DLG2: variants seen among roughly 807,000 people sequenced by gnomAD.
The protein encoded by DLG2 is discs large MAGUK scaffold protein 2, also known as disks large homolog 2.
DLG2 carries 45 observed loss-of-function variants against 132.5 expected under a neutral mutation model. The observed-to-expected ratio is 0.34, with a 90% CI of 0.27 to 0.44. The LOEUF is 0.44. Among genes scored for constraint, DLG2 ranks in the 20% least tolerant of loss-of-function variants. DLG2 has a pLI of 1.00. For missense variants in DLG2, 1,045 were observed against 1,196.9 expected, an observed-to-expected ratio of 0.87 and a Z score of 1.87; for synonymous variants, 424 against 419.6, an observed-to-expected ratio of 1.01 and a Z score of -0.13.
At chr11:83,576,696 A>G (rs1219081020) in intron 19 of DLG2, among the ~76,000 whole-genome samples, 1 of 152,144 alleles carries the variant, frequency 6.6e-6, no homozygotes, top group Non-Finnish European at 1.5e-5. Flanking sequence ...ATCTTTCAAA[A>G]ATAAAGGCAA....
chr11:84,583,883 TTCA>T (rs2099522583), intron 6 of DLG2, among the ~76,000 whole-genome samples: 1 of 152,294 alleles, frequency 6.6e-6, no homozygotes, highest in Non-Finnish European at 1.5e-5. Flanking sequence ...CAAAGATTCA[TTCA>T]TGTTTATTTT....
chr11:84,132,579 G>T (rs2094459818), intron 9 of DLG2, among the ~76,000 whole-genome samples: 3 of 151,948 alleles, frequency 2.0e-5, no homozygotes, highest in African/African-American at 7.2e-5. Flanking sequence ...AATTTATTGA[G>T]AACCTACTAT....
intron 4 of DLG2, among the ~76,000 whole-genome samples, chr11:85,195,523 GTTTT>G (rs34574453): frequency 2.3e-4 from 31 of 133,714 alleles, no homozygotes; most frequent in South Asian, 7.2e-4. Context: ...AAGTGACAGT[GTTTT>G]TTTTTTTTTT....
At position 84,535,954 on chromosome 11, in the gene DLG2, C is replaced by CATATATATATATATAT. The variant is rs778920932; in HGVS notation, c.358-1224_358-1223insATATATATATATATAT. On this transcript the variant is annotated intron_variant, in intron 6 of 27. Transcript: ENST00000376104. ...CATCAATGGTTAATTTTTTCATATA[C>CATATATATATATATAT]ATATATATATAAAACTTCTAGGACA... Among the ~76,000 whole-genome samples the CATATATATATATATAT allele has an allele frequency of 5.5e-4, 80 of 144,458 alleles. 1 individual carries two copies. The highest frequency in any genetic ancestry group is 1.9e-3 in the African/African-American group (73 of 38,198). 94.8% of individuals were successfully genotyped at this position (144,458 alleles called of 152,430 possible). A position where few individuals can be genotyped will look rare whatever the true frequency, so the allele number is the denominator to read the frequency against.
At chr11:83,612,682 C>T (rs1309789676) in intron 19 of DLG2, among the ~76,000 whole-genome samples, 2 of 152,048 alleles carry the variant, frequency 1.3e-5, no homozygotes, top group African/African-American at 4.8e-5. Flanking sequence ...AGGTGAAAGC[C>T]TCTAGGAAGG....
At chr11:84,078,561 T>C (rs2096859302) in intron 10 of DLG2, among the ~76,000 whole-genome samples, 1 of 152,104 alleles carries the variant, frequency 6.6e-6, no homozygotes, top group African/African-American at 2.4e-5. Context: ...AAAATACCAA[T>C]TAAATGGAAA....
intron 7 of DLG2, among the ~76,000 whole-genome samples, chr11:84,514,776 A>G (rs2099267640): frequency 6.6e-6 from 1 of 151,924 alleles, no homozygotes; most frequent in African/African-American, 2.4e-5. Context: ...ACTAGAATTA[A>G]CGATCATTTA....
At chr11:84,153,705 C>T (rs1181559562) in intron 9 of DLG2, among the ~76,000 whole-genome samples, 1 of 152,120 alleles carries the variant, frequency 6.6e-6, no homozygotes, top group African/African-American at 2.4e-5. Flanking sequence ...TAGTTTGGTT[C>T]TCTCTTAAAA....
chr11:85,503,799 G>C (rs143137582), intron 3 of DLG2, among the ~76,000 whole-genome samples: 1 of 151,980 alleles, frequency 6.6e-6, no homozygotes, highest in Admixed American at 6.6e-5. Context: ...GGGCATGGTG[G>C]CACACACCTG....
chr11:85,533,510 T>C (rs1024510408), intron 3 of DLG2, among the ~76,000 whole-genome samples: 1 of 150,794 alleles, frequency 6.6e-6, no homozygotes, highest in Admixed American at 6.6e-5. Context: ...CATTCCAGGG[T>C]GTATACGTAC....
At chr11:85,035,441 G>T (rs2061360938) in intron 6 of DLG2, among the ~76,000 whole-genome samples, 1 of 152,164 alleles carries the variant, frequency 6.6e-6, no homozygotes, top group Non-Finnish European at 1.5e-5. Context: ...ATGGCAGAAG[G>T]TGAAGGGAAA....
chr11:84,852,535 T>A (rs1331066370), intron 6 of DLG2, among the ~76,000 whole-genome samples: 2 of 151,978 alleles, frequency 1.3e-5, no homozygotes, highest in African/African-American at 4.8e-5. Context: ...GTGGTATGCG[T>A]TTGCCATCTT....
intron 6 of DLG2, among the ~76,000 whole-genome samples, chr11:84,788,198 C>T (rs903203442): frequency 2.8e-5 from 4 of 141,898 alleles, no homozygotes; most frequent in Non-Finnish European, 4.6e-5. Flanking sequence ...CAGGTAAAAA[C>T]AAAAATAGTA....
At chr11:84,387,430 A>G (rs1454751883) in intron 7 of DLG2, among the ~76,000 whole-genome samples, 1 of 152,086 alleles carries the variant, frequency 6.6e-6, no homozygotes, top group Non-Finnish European at 1.5e-5. Context: ...GAAATTAGTT[A>G]TACAGAAAAA....
At chr11:84,404,320 C>G (rs559038609) in intron 7 of DLG2, among the ~76,000 whole-genome samples, 1 of 152,226 alleles carries the variant, frequency 6.6e-6, no homozygotes, top group Non-Finnish European at 1.5e-5. Context: ...CCCATCTCCA[C>G]CTTTTCCTAC....
intron 8 of DLG2, among the ~76,000 whole-genome samples, chr11:84,220,199 T>C (rs916098035): frequency 3.9e-5 from 6 of 152,226 alleles, no homozygotes; most frequent in African/African-American, 1.4e-4. Context: ...CTGAGACTCA[T>C]CACTTCATAA....
At chr11:84,586,785 T>A (rs1050433052) in intron 6 of DLG2, among the ~76,000 whole-genome samples, 2 of 152,206 alleles carry the variant, frequency 1.3e-5, no homozygotes, top group Non-Finnish European at 2.9e-5. Context: ...TAATGGTTAC[T>A]TCTTAAATTT....
chr11:84,886,389 T>C (rs962620520), intron 6 of DLG2, among the ~76,000 whole-genome samples: 18 of 152,088 alleles, frequency 1.2e-4, no homozygotes, highest in Admixed American at 9.2e-4. Context: ...CAATCTATTA[T>C]GGCTAATGAA....
chr11:83,780,961 A>G (rs1187842217), intron 18 of DLG2, among the ~76,000 whole-genome samples: 1 of 152,176 alleles, frequency 6.6e-6, no homozygotes, highest in Non-Finnish European at 1.5e-5. Context: ...ACAAACTCTA[A>G]TGTGCATACA....
Sources: gnomAD v4.1 joint callset for allele counts (sites outside exome capture counted in the v4.1 genomes callset) on GRCh38, gnomAD v4.1.1 for gene constraint, MANE v1.5 for transcripts, NCBI Gene and HGNC (gene_info 2026-07-23, HGNC 2026-07-21) for gene names.